The following CFAP74 variants were observed in gnomAD, a reference collection of about 807,000 sequenced individuals.
CFAP74 encodes the protein cilia and flagella associated protein 74, also known as cilia- and flagella-associated protein 74.
Under a neutral mutation model 188.9 loss-of-function variants are expected in CFAP74, and 124 were observed. The observed-to-expected ratio is 0.66, with a 90% CI of 0.57 to 0.76. CFAP74 has a LOEUF of 0.76. Ranked by LOEUF, CFAP74 falls within the 30% of genes least tolerant of loss-of-function variation. The probability of loss-of-function intolerance (pLI) is 0.00; values close to 1 mark genes in which losing one functional copy is unlikely to be tolerated. For missense variants in CFAP74, 2,198 were observed against 2,165.2 expected (o/e 1.02, Z -0.30); for synonymous variants, 956 against 916.7 (o/e 1.04, Z -0.77).
chr1:1,990,399 G>C (rs1657499240), intron 2 of CFAP74, among the ~76,000 whole-genome samples: 1 of 150,484 alleles, frequency 6.6e-6, no homozygotes, highest in African/African-American at 2.5e-5. Flanking sequence ...GGGGGGCAGG[G>C]GGGAGAAGGC....
rs956085415 is a variant in CFAP74 at position 1,968,382 on chromosome 1, C to T, written c.1245+253G>A. 2.0e-5 allele frequency among the ~76,000 whole-genome samples: 3 copies of T among 152,094 alleles called. No individual in the cohort carries two copies. The highest frequency in any genetic ancestry group is 4.4e-5 in the Non-Finnish European group (3 of 67,992). On this transcript the variant is annotated intron_variant, in intron 11 of 38. Coordinates refer to ENST00000682832, the MANE Select transcript of CFAP74 (RefSeq NM_001304360.2). The surrounding 1 kb of genome is among the most constrained non-coding windows in gnomAD (Gnocchi z 4.3). ...GGTGACGCAGGGTCTGGTGGGCACA[C>T]CGAGACCAGGAGGACACTGGACCCT... is the stretch of plus-strand genomic sequence containing the variant.
chr1:1,969,474 T>G (rs1187409556), intron 10 of CFAP74, among the ~76,000 whole-genome samples: 3 of 79,628 alleles, frequency 3.8e-5, no homozygotes, highest in Non-Finnish European at 7.5e-5. Context: ...AGCCCAGCCC[T>G]GCCCGGCCCA....
At position 1,960,923 on chromosome 1, in the gene CFAP74, A is replaced by G. The variant is rs575308446; in HGVS notation, c.1695-893T>C. Among the ~76,000 whole-genome samples the G allele has an allele frequency of 6.6e-5, 10 of 152,362 alleles. No homozygotes were observed. In the South Asian group the frequency reaches 1.7e-3, roughly 25 times the overall value. On this transcript the variant is annotated intron_variant, in intron 14 of 38. Coordinates refer to ENST00000682832, the MANE Select transcript of CFAP74 (RefSeq NM_001304360.2). ...GGAGTGGGGATGTTAGAGGACGTAT[A>G]GATAAAATGGTTAGAGACAGAAATA...
chr1:1,939,522 T>C (rs950238082), intron 24 of CFAP74, 72 bp downstream of exon 24: 7 of 1,418,094 alleles, frequency 4.9e-6, no homozygotes, highest in South Asian at 2.6e-5. Flanking sequence ...CCTGGAGCAG[T>C]GGCCGCTGCA....
chr1:1,967,806 G>C (rs1403526899), intron 11 of CFAP74, among the ~76,000 whole-genome samples: 1 of 152,196 alleles, frequency 6.6e-6, no homozygotes, highest in African/African-American at 2.4e-5. Context: ...TTTAGGGAAA[G>C]GTAAACTAGA....
chr1:1,972,717 G>C (rs141899364), intron 8 of CFAP74, among the ~76,000 whole-genome samples: 1 of 152,170 alleles, frequency 6.6e-6, no homozygotes, highest in Non-Finnish European at 1.5e-5. Context: ...ATGGTGGCGC[G>C]TGCCTGTAAT....
At chr1:1,961,224 G>C (rs1398681227) in intron 14 of CFAP74, among the ~76,000 whole-genome samples, 2 of 152,192 alleles carry the variant, frequency 1.3e-5, no homozygotes, top group Non-Finnish European at 2.9e-5. Context: ...ATGAATGGGG[G>C]AGGGGCGATG....
rs41315326 is a variant in CFAP74 at position 1,926,632 on chromosome 1, G to A, written c.3772+20C>T. On this transcript the variant is annotated intron_variant, in intron 30 of 38. Coordinates refer to ENST00000682832, the MANE Select transcript of CFAP74 (RefSeq NM_001304360.2). ...GCCTGGGCACCGGGGTGGAGGTGTG[G>A]GCGGGGCTTAGCGTCTCACCCACAG... is the stretch of plus-strand genomic sequence containing the variant. 2 of 1,547,862 alleles carry A rather than the reference G, an allele frequency of 1.3e-6. No individual in the cohort carries two copies. Among genetic ancestry groups the A allele is most frequent in the Admixed American group, 3.9e-5 (2 of 50,984 alleles).
chr1:1,935,567 CGT>C (rs149671343), intron 25 of CFAP74, among the ~76,000 whole-genome samples: 1 of 31,714 alleles, frequency 3.2e-5, no homozygotes, highest in Non-Finnish European at 7.0e-5. Flanking sequence ...CACGTGTGTA[CGT>C]GTGTGTGTTA....
At chr1:1,989,898 A>G (rs1036543201) in intron 2 of CFAP74, among the ~76,000 whole-genome samples, 1 of 152,204 alleles carries the variant, frequency 6.6e-6, no homozygotes, top group Non-Finnish European at 1.5e-5. Flanking sequence ...AGTGTCCTTC[A>G]GGGCCTGTGA....
chr1:1,993,070 A>G (rs1014047112), intron 1 of CFAP74, among the ~76,000 whole-genome samples: 8 of 151,346 alleles, frequency 5.3e-5, no homozygotes, highest in South Asian at 2.1e-4. Context: ...GTATGGTGGC[A>G]GGCACCTGTA....
intron 10 of CFAP74, 28 bp downstream of exon 10, chr1:1,970,631 C>T (rs768547213): frequency 5.1e-6 from 8 of 1,582,786 alleles, no homozygotes; most frequent in African/African-American, 1.3e-5. Flanking sequence ...CGGGTGCCTC[C>T]CGGTGGCACC....
chr1:1,972,196 T>C, intron 8 of CFAP74, 114 bp from the exon 9 acceptor site: 2 of 781,206 alleles, frequency 2.6e-6, no homozygotes, highest in Non-Finnish European at 4.4e-6. Flanking sequence ...TCCTCCTGTC[T>C]CAGCCTCCCA....
chr1:1,946,330 G>T lies in CFAP74; in HGVS notation c.2351C>A (p.Pro784His). 6.5e-7 allele frequency: 1 copy of T among 1,536,154 alleles called. No homozygotes were observed. Among genetic ancestry groups the T allele is most frequent in the South Asian group, 1.2e-5 (1 of 84,028 alleles). The part of the protein sequence containing the change: ...QARFKVTFKN[P>H]QCPTLHFRVV... ...AGGAATACTCACCGTGGGGCACTGGGGGTTCTTAAACGTGACTTTGAACCT... is the reference window on the plus strand; with the variant it reads ...AGGAATACTCACCGTGGGGCACTGGTGGTTCTTAAACGTGACTTTGAACCT... Residue 784 changes from proline to histidine, a missense_variant, in exon 20 of 39, where the codon CCC becomes CAC. By Grantham distance (77) the Pro-to-His change is moderately conservative. Transcript: ENST00000682832.
At position 1,965,060 on chromosome 1, in the gene CFAP74, A is replaced by C. The variant is rs759344988; in HGVS notation, c.1403T>G (p.Val468Gly). 1.9e-6 allele frequency: 3 copies of C among 1,611,388 alleles called. No homozygotes were observed. The African/African-American group carries it at 4.0e-5, about 22-fold the overall frequency. Reference protein sequence around the residue: ...LWNEDYKPYQVPKEDVDRKPV... With the variant: ...LWNEDYKPYQGPKEDVDRKPV... ...CTTTCGGTCCACGTCCTCCTTGGGC[A>C]CCTGGGGGTCACAGAGACAGAGGCT... Residue 468 changes from valine to glycine, a missense_variant and splice_region_variant, in exon 13 of 39, where the codon GTG (valine) becomes GGG (glycine). Coordinates refer to ENST00000682832, the MANE Select transcript of CFAP74 (RefSeq NM_001304360.2).
chr1:1,971,275 C>G (rs1280993977), intron 9 of CFAP74, among the ~76,000 whole-genome samples: 1 of 142,220 alleles, frequency 7.0e-6, no homozygotes, highest in Non-Finnish European at 1.5e-5. Flanking sequence ...ACATGCAAAC[C>G]TGCACACACG....
intron 1 of CFAP74, among the ~76,000 whole-genome samples, chr1:2,001,821 T>A (rs138354472): frequency 1.3e-5 from 2 of 152,276 alleles, no homozygotes; most frequent in Admixed American, 1.3e-4. Flanking sequence ...AGTGGGAATC[T>A]AATCACGAGG....
chr1:1,922,814 C>T, intron 37 of CFAP74, 91 bp from the exon 38 acceptor site: 1 of 1,505,956 alleles, frequency 6.6e-7, no homozygotes, highest in Non-Finnish European at 8.9e-7. Context: ...CTCCACTCAC[C>T]CTCCCAGCTC....
chr1:1,967,929 G>GTGAA (rs1327623265), intron 11 of CFAP74, among the ~76,000 whole-genome samples: 1 of 149,380 alleles, frequency 6.7e-6, no homozygotes. Flanking sequence ...GAATGTGTGA[G>GTGAA]TGAATGAATG....
Sources: allele counts gnomAD v4.1 joint callset (sites outside exome capture counted in the v4.1 genomes callset), GRCh38; gene constraint gnomAD v4.1.1; non-coding constraint Gnocchi (gnomAD v3.1); transcripts MANE v1.5; gene names NCBI Gene and HGNC (gene_info 2026-07-23, HGNC 2026-07-21).